CENPP: variants seen among roughly 807,000 people sequenced by gnomAD.
CENPP encodes centromere protein P.
In CENPP, 24 loss-of-function variants were observed where a neutral mutation model predicts 35.6. The observed-to-expected ratio is 0.67, with a 90% CI of 0.49 to 0.95. The LOEUF (loss-of-function observed/expected upper bound fraction) is 0.95, where lower values mean the gene tolerates loss of function less well. Ranked by LOEUF, CENPP falls within the 40% of genes least tolerant of loss-of-function variation. The pLI is 0.00. For missense variants in CENPP, 332 were observed against 345.3 expected (o/e 0.96, Z 0.31); for synonymous variants, 120 against 125.5 (o/e 0.96, Z 0.29).
intron 5 of CENPP, among the ~76,000 whole-genome samples, chr9:92,604,955 T>G (rs753444285): frequency 3.5e-4 from 53 of 152,242 alleles, no homozygotes; most frequent in Admixed American, 5.2e-4. Flanking sequence ...TCCTATGTTT[T>G]CTCTCAGAAG....
intron 4 of CENPP, among the ~76,000 whole-genome samples, chr9:92,371,306 G>T (rs1387421652): frequency 6.6e-6 from 1 of 152,030 alleles, no homozygotes; most frequent in Non-Finnish European, 1.5e-5. Context: ...TTGCTATGGT[G>T]TGTTTCCATT....
At chr9:92,488,111 T>C (rs1337300274) in intron 5 of CENPP, among the ~76,000 whole-genome samples, 1 of 152,230 alleles carries the variant, frequency 6.6e-6, no homozygotes, top group Non-Finnish European at 1.5e-5. Flanking sequence ...TGACCTATGA[T>C]ATTTTCAACT....
At chr9:92,388,166 C>T (rs1222225589) in intron 5 of CENPP, among the ~76,000 whole-genome samples, 1 of 150,762 alleles carries the variant, frequency 6.6e-6, no homozygotes, top group Non-Finnish European at 1.5e-5. Context: ...TGATCAGCTC[C>T]TTTTTTTTTG....
intron 5 of CENPP, among the ~76,000 whole-genome samples, chr9:92,599,653 G>A (rs1294650570): frequency 6.6e-6 from 1 of 152,270 alleles, no homozygotes; most frequent in South Asian, 2.1e-4. Flanking sequence ...CTGACCTGAC[G>A]TGGTCCACCT....
At chr9:92,417,504 G>A (rs769093836) in intron 5 of CENPP, 1 of 1,611,608 alleles carries the variant, frequency 6.2e-7, no homozygotes, top group South Asian at 1.1e-5. Flanking sequence ...TATTGGCAAT[G>A]TACTTTGACT....
chr9:92,408,918 A>G (rs932913806), intron 5 of CENPP, among the ~76,000 whole-genome samples: 1 of 152,210 alleles, frequency 6.6e-6, no homozygotes, highest in African/African-American at 2.4e-5. Flanking sequence ...TCTCCGTCTT[A>G]AATCTCATAC....
At position 92,620,157 on chromosome 9, in the gene CENPP, G is replaced by C. The variant is rs1851582655; in HGVS notation, c.*7008G>C. The C allele has an allele frequency of 6.3e-6, 1 of 157,544 alleles. No individual in the cohort carries two copies. The highest frequency in any genetic ancestry group is 1.9e-4 in the South Asian group (1 of 5,264). 9.8% of individuals were successfully genotyped at this position (157,544 alleles called of 1,614,324 possible). On this transcript the variant is annotated 3_prime_UTR_variant, in exon 8 of 8. Coordinates refer to ENST00000375587, the MANE Select transcript of CENPP (RefSeq NM_001012267.3). The stretch of plus-strand genomic sequence containing the variant: ...ACTTTACAGACAAGCAACAGACACA[G>C]ACATCACTTGTCTGTCATGCCCTGC...
chr9:92,455,898 C>T (rs1021724074), intron 5 of CENPP, among the ~76,000 whole-genome samples: 6 of 152,102 alleles, frequency 3.9e-5, no homozygotes, highest in South Asian at 4.1e-4. Flanking sequence ...GGTGAAACCC[C>T]GTCTCTACTA....
intron 5 of CENPP, among the ~76,000 whole-genome samples, chr9:92,432,956 T>A (rs914924763): frequency 5.9e-5 from 9 of 152,168 alleles, no homozygotes; most frequent in Non-Finnish European, 2.9e-5. Context: ...ACAAAAAAAA[T>A]TTTGGATTTG....
chr9:92,552,662 C>T (rs374742431), intron 5 of CENPP, among the ~76,000 whole-genome samples: 18 of 152,082 alleles, frequency 1.2e-4, no homozygotes, highest in Middle Eastern at 3.4e-3. Context: ...ATTGTCTATT[C>T]GTGTCATTAG....
chr9:92,354,310 T>C (rs573749364), intron 4 of CENPP, among the ~76,000 whole-genome samples: 1 of 152,198 alleles, frequency 6.6e-6, no homozygotes, highest in Non-Finnish European at 1.5e-5. Context: ...CCCCAAGAAA[T>C]GGTGCCATAT....
At chr9:92,473,227 G>A (rs1845591710) in intron 5 of CENPP, among the ~76,000 whole-genome samples, 1 of 152,138 alleles carries the variant, frequency 6.6e-6, no homozygotes, top group African/African-American at 2.4e-5. Context: ...GTCTCATGCA[G>A]GGTCTTCATG....
intron 5 of CENPP, among the ~76,000 whole-genome samples, chr9:92,426,340 A>T (rs1843966374): frequency 6.6e-6 from 1 of 152,168 alleles, no homozygotes; most frequent in African/African-American, 2.4e-5. Context: ...GTGACACAGG[A>T]CTGGCTAGGA....
chr9:92,498,429 C>A (rs911690977), intron 5 of CENPP, among the ~76,000 whole-genome samples: 10 of 151,470 alleles, frequency 6.6e-5, no homozygotes, highest in Admixed American at 5.9e-4. Flanking sequence ...TGCACATGTA[C>A]CCTAAAAGTA....
chr9:92,512,169 C>T, intron 5 of CENPP: 1 of 1,343,724 alleles, frequency 7.4e-7, no homozygotes, highest in Non-Finnish European at 1.1e-6. Context: ...TGTGCATATA[C>T]ATACATGTAC....
chr9:92,372,099 C>CTTTTTTTTTTTT (rs71362382), intron 4 of CENPP, among the ~76,000 whole-genome samples: 22 of 30,684 alleles, frequency 7.2e-4, no homozygotes, highest in Non-Finnish European at 9.0e-4. Context: ...TGCCAGCCAT[C>CTTTTTTTTTTTT]TTTTTTTTTT....
chr9:92,551,335 G>T (rs946324648), intron 5 of CENPP, among the ~76,000 whole-genome samples: 2 of 151,958 alleles, frequency 1.3e-5, no homozygotes, highest in Non-Finnish European at 2.9e-5. Flanking sequence ...CCAAAATGAC[G>T]TCTGATGCTT....
At chr9:92,363,487 T>C (rs532649170) in intron 4 of CENPP, among the ~76,000 whole-genome samples, 1 of 152,358 alleles carries the variant, frequency 6.6e-6, no homozygotes, top group Admixed American at 6.5e-5. Context: ...TATAGGTTTA[T>C]AGCCTAGGAG....
At chr9:92,531,333 G>A (rs183135998) in intron 5 of CENPP, among the ~76,000 whole-genome samples, 3 of 152,060 alleles carry the variant, frequency 2.0e-5, no homozygotes, top group Non-Finnish European at 1.5e-5. Context: ...ATATAAATTA[G>A]TACCTTTACC....
Sources: gnomAD v4.1 joint callset for allele counts (sites outside exome capture counted in the v4.1 genomes callset) on GRCh38, gnomAD v4.1.1 for gene constraint, MANE v1.5 for transcripts, NCBI Gene and HGNC (gene_info 2026-07-23, HGNC 2026-07-21) for gene names.